Variants in SESTD1 observed in about 807,000 individuals in gnomAD.
SESTD1 encodes the protein SEC14 domain and spectrin repeat-containing protein 1.
A neutral mutation model predicts 101.7 loss-of-function variants in SESTD1; 43 were observed. The ratio of observed to expected loss-of-function variants is 0.42; its 90% CI spans 0.33 to 0.55. The LOEUF (loss-of-function observed/expected upper bound fraction) is 0.55, where lower values mean the gene tolerates loss of function less well. SESTD1 is among the 20% of genes least tolerant of loss of function. The pLI, the probability that SESTD1 is intolerant of heterozygous loss-of-function variation, is 0.07. For missense variants in SESTD1, 647 were observed against 815.1 expected (o/e 0.79, Z 2.51); for synonymous variants, 283 against 286.8 (o/e 0.99, Z 0.13).
chr2:179,169,865 G>A (rs776970103), intron 5 of SESTD1, among the ~76,000 whole-genome samples: 7 of 151,432 alleles, frequency 4.6e-5, no homozygotes, highest in Non-Finnish European at 8.8e-5. Context: ...TCTCAGCTAC[G>A]TGGGAGGCTC....
At chr2:179,145,255 T>C (rs2045369374) in intron 8 of SESTD1, among the ~76,000 whole-genome samples, 1 of 152,198 alleles carries the variant, frequency 6.6e-6, no homozygotes, top group Non-Finnish European at 1.5e-5. Flanking sequence ...TCATTTTCAT[T>C]AGAGAAGCAG....
chr2:179,119,266 G>A (rs572115504), intron 13 of SESTD1, among the ~76,000 whole-genome samples: 37 of 152,300 alleles, frequency 2.4e-4, no homozygotes, highest in African/African-American at 7.2e-4. Context: ...TTGAGATTCA[G>A]AGACAGCAGA....
intron 2 of SESTD1, among the ~76,000 whole-genome samples, chr2:179,190,048 AAAAC>A (rs2105495124): frequency 6.6e-6 from 1 of 152,282 alleles, no homozygotes; most frequent in East Asian, 1.9e-4. Flanking sequence ...AGAATAGAAA[AAAAC>A]TAAAGTTCAT....
intron 1 of SESTD1, among the ~76,000 whole-genome samples, chr2:179,249,731 A>G (rs970627148): frequency 3.9e-5 from 6 of 152,168 alleles, no homozygotes; most frequent in Non-Finnish European, 5.9e-5. Context: ...CAGTAGAAGG[A>G]ATCAGTTAAC....
At chr2:179,197,668 G>C (rs2046424689) in intron 1 of SESTD1, among the ~76,000 whole-genome samples, 5 of 152,158 alleles carry the variant, frequency 3.3e-5, no homozygotes, top group Admixed American at 3.3e-4. Context: ...CATTCTTAAA[G>C]AAAAGAATTT....
chr2:179,201,010 C>T lies in SESTD1; in HGVS notation c.-25-9144G>A, dbSNP rs868324868. Among the ~76,000 whole-genome samples the T allele has an allele frequency of 7.2e-4, 97 of 134,024 alleles. 30 individuals are homozygous for T. Among genetic ancestry groups the T allele is most frequent in the African/African-American group, 2.4e-3 (82 of 33,692 alleles). The allele number at this position is 134,024 out of a possible 152,430, so 87.9% of individuals were successfully genotyped here. On this transcript the variant is annotated intron_variant, in intron 1 of 17. Transcript: ENST00000428443. The stretch of plus-strand genomic sequence containing the variant: ...AACCTACAGAATGGGAGAAAATTTT[C>T]GCAACCTACTCATTTGACAAAGGGC...
At chr2:179,162,735 C>A (rs1016190973) in intron 5 of SESTD1, among the ~76,000 whole-genome samples, 1 of 151,256 alleles carries the variant, frequency 6.6e-6, no homozygotes, top group African/African-American at 2.4e-5. Flanking sequence ...TGTCTGTAAT[C>A]CTAGCACTTT....
intron 5 of SESTD1, among the ~76,000 whole-genome samples, chr2:179,171,169 G>A (rs1004396207): frequency 6.6e-6 from 1 of 152,084 alleles, no homozygotes; most frequent in Non-Finnish European, 1.5e-5. Flanking sequence ...TGTTTTGTCA[G>A]AACTCTCAGA....
intron 1 of SESTD1, among the ~76,000 whole-genome samples, chr2:179,260,910 C>T (rs1345842362): frequency 1.3e-5 from 2 of 152,088 alleles, no homozygotes; most frequent in African/African-American, 4.8e-5. Flanking sequence ...TGCAAAGATA[C>T]AGGTTTGGAA....
At chr2:179,115,349 T>A in intron 15 of SESTD1, 93 bp from the exon 16 acceptor site, 3 of 873,072 alleles carry the variant, frequency 3.4e-6, no homozygotes, top group Non-Finnish European at 5.1e-6. Flanking sequence ...TACAGTTAAG[T>A]GACACTACTA....
chr2:179,264,356 G>T, intron 1 of SESTD1, 143 bp downstream of exon 1: 1 of 151,032 alleles, frequency 6.6e-6, no homozygotes, highest in South Asian at 2.1e-4. Context: ...TCACTGCGTA[G>T]CCCCTCCGCC....
chr2:179,216,173 A>G (rs1268336977), intron 1 of SESTD1, among the ~76,000 whole-genome samples: 1 of 134,884 alleles, frequency 7.4e-6, no homozygotes, highest in Non-Finnish European at 1.6e-5. Flanking sequence ...AGGGTATTCA[A>G]CTAGGAAAAG....
intron 1 of SESTD1, among the ~76,000 whole-genome samples, chr2:179,229,876 A>T (rs1259080499): frequency 6.8e-6 from 1 of 147,984 alleles, no homozygotes. Flanking sequence ...GCCATCCAAC[A>T]AACAAACCAA....
At position 179,236,397 on chromosome 2, in the gene SESTD1, TGAGGTGGGAG is replaced by T. The variant is rs535395342; in HGVS notation, c.-26+28092_-26+28101del. 1.0e-3 allele frequency among the ~76,000 whole-genome samples: 151 copies of T among 148,798 alleles called. 2 individuals carry two copies. In the South Asian group the frequency reaches 0.031, roughly 30 times the overall value. On this transcript the variant is annotated intron_variant, in intron 1 of 17. Coordinates refer to ENST00000428443, the MANE Select transcript of SESTD1 (RefSeq NM_178123.5). ...CTACAGCCCTAGCTACTTGCGAGGC[TGAGGTGGGAG>T]GACCACTTGAGCCCAGGAGTTTGAG... is the stretch of plus-strand genomic sequence containing the variant.
intron 1 of SESTD1, among the ~76,000 whole-genome samples, chr2:179,257,723 A>C (rs1033599803): frequency 6.6e-6 from 1 of 152,220 alleles, no homozygotes; most frequent in African/African-American, 2.4e-5. Context: ...TATAATATAA[A>C]AACCTATTTA....
At chr2:179,235,896 T>C (rs1243638997) in intron 1 of SESTD1, among the ~76,000 whole-genome samples, 2 of 152,212 alleles carry the variant, frequency 1.3e-5, no homozygotes, top group Non-Finnish European at 2.9e-5. Context: ...TGGCCTATGA[T>C]GTCATCTTCG....
At chr2:179,149,059 CAAAAAAAAAAAAAAAAAA>C (rs66636048) in intron 7 of SESTD1, among the ~76,000 whole-genome samples, 10 of 60,414 alleles carry the variant, frequency 1.7e-4, no homozygotes, top group East Asian at 1.6e-3. Context: ...GACTCCGTCT[CAAAAAAAAAAAAAAAAAA>C]AAAAAAAAAA....
chr2:179,174,520 C>G (rs923040177), intron 4 of SESTD1: 1 of 440,664 alleles, frequency 2.3e-6, no homozygotes, highest in African/African-American at 2.1e-5. Flanking sequence ...TAATGGATTT[C>G]TTACCTAATA....
intron 1 of SESTD1, among the ~76,000 whole-genome samples, chr2:179,254,286 C>G (rs749863460): frequency 3.0e-4 from 45 of 152,108 alleles, no homozygotes; most frequent in African/African-American, 8.9e-4. Flanking sequence ...CTAATCTACT[C>G]CATCTATCCA....
Sources: allele counts gnomAD v4.1 joint callset (sites outside exome capture counted in the v4.1 genomes callset), GRCh38; gene constraint gnomAD v4.1.1; transcripts MANE v1.5; gene names NCBI Gene and HGNC (gene_info 2026-07-23, HGNC 2026-07-21).